Variants in AFG2A observed in about 807,000 individuals in gnomAD.
AFG2A encodes ATPase family gene 2 protein homolog A.
chr4:122,992,738 A>G, the AFG2A span, among the ~76,000 whole-genome samples: 5 of 151,922 alleles, frequency 3.3e-5, no homozygotes, highest in African/African-American at 9.6e-5. Context: ...ATACATTACT[A>G]ATTTTAGGAG....
the AFG2A span, among the ~76,000 whole-genome samples, chr4:123,060,642 G>C: frequency 6.6e-6 from 1 of 152,106 alleles, no homozygotes; most frequent in Non-Finnish European, 1.5e-5. Context: ...CCTGGACCTG[G>C]CCCAGAAAAC....
chr4:122,972,963 G>T, the AFG2A span, among the ~76,000 whole-genome samples: 2 of 151,942 alleles, frequency 1.3e-5, no homozygotes. Context: ...GTATCTTCTG[G>T]TATCTTCTAT....
the AFG2A span, among the ~76,000 whole-genome samples, chr4:123,113,961 C>T: frequency 5.9e-5 from 9 of 151,474 alleles, no homozygotes; most frequent in African/African-American, 2.2e-4. Flanking sequence ...GTTGTCCCGA[C>T]GAATGTTCAG....
the AFG2A span, among the ~76,000 whole-genome samples, chr4:122,986,403 G>A: frequency 6.6e-6 from 1 of 152,066 alleles, no homozygotes; most frequent in East Asian, 1.9e-4. Flanking sequence ...TTGTGTTGCT[G>A]TCTATCTCAT....
chr4:122,971,498 A>G, the AFG2A span, among the ~76,000 whole-genome samples: 1 of 152,238 alleles, frequency 6.6e-6, no homozygotes, highest in Non-Finnish European at 1.5e-5. Context: ...TTCTATGTAT[A>G]CATTTCAAAT....
At chr4:122,973,785 G>A in the AFG2A span, among the ~76,000 whole-genome samples, 1 of 152,094 alleles carries the variant, frequency 6.6e-6, no homozygotes, top group Non-Finnish European at 1.5e-5. Flanking sequence ...TGACTTCCTG[G>A]GCTCAAACAG....
At chr4:123,118,221 C>T in the AFG2A span, among the ~76,000 whole-genome samples, 1 of 142,564 alleles carries the variant, frequency 7.0e-6, no homozygotes, top group African/African-American at 2.5e-5. Context: ...TTTTATTAGT[C>T]TCTTGTTTCT....
chr4:123,315,138 T>C, the AFG2A span: 2 of 151,684 alleles, frequency 1.3e-5, no homozygotes, highest in Non-Finnish European at 2.9e-5. Context: ...ATACATATTT[T>C]CAGGGTACCA....
the AFG2A span, among the ~76,000 whole-genome samples, chr4:122,977,174 CTG>C: frequency 4.5e-4 from 69 of 152,202 alleles, no homozygotes; most frequent in Non-Finnish European, 5.0e-4. Context: ...CCAGAAACCT[CTG>C]TGGCCGGTGG....
the AFG2A span, chr4:122,934,552 G>C: frequency 6.2e-7 from 1 of 1,613,740 alleles, no homozygotes; most frequent in South Asian, 1.1e-5. Context: ...GTGCAATACT[G>C]ATACTTTTTA....
At chr4:122,927,392 A>G in the AFG2A span, among the ~76,000 whole-genome samples, 1 of 152,140 alleles carries the variant, frequency 6.6e-6, no homozygotes, top group African/African-American at 2.4e-5. Context: ...AAAGAAACCA[A>G]TACTCACCCC....
chr4:123,226,303 A>T, the AFG2A span, among the ~76,000 whole-genome samples: 1 of 152,146 alleles, frequency 6.6e-6, no homozygotes, highest in African/African-American at 2.4e-5. Context: ...TTTCAAAGGG[A>T]ATGCTTCCAG....
the AFG2A span, among the ~76,000 whole-genome samples, chr4:123,244,056 C>T: frequency 6.6e-6 from 1 of 151,612 alleles, no homozygotes; most frequent in African/African-American, 2.4e-5. Flanking sequence ...GTAATAGAGC[C>T]AGAATTTTGA....
At chr4:123,241,502 C>T in the AFG2A span, among the ~76,000 whole-genome samples, 1 of 152,100 alleles carries the variant, frequency 6.6e-6, no homozygotes, top group Non-Finnish European at 1.5e-5. Context: ...AAATGTAATC[C>T]ATCACATAAA....
At chr4:123,118,114 A>G in the AFG2A span, among the ~76,000 whole-genome samples, 25 of 150,618 alleles carry the variant, frequency 1.7e-4, no homozygotes, top group African/African-American at 6.1e-4. Context: ...TGAATTGGTA[A>G]CATATGTATA....
the AFG2A span, among the ~76,000 whole-genome samples, chr4:123,117,859 T>A: frequency 7.9e-5 from 11 of 139,496 alleles, no homozygotes; most frequent in East Asian, 5.9e-4. Context: ...ATTTTTTTAA[T>A]TTTTTTTTTT....
At chr4:123,082,490 TTG>T in the AFG2A span, among the ~76,000 whole-genome samples, 1 of 151,460 alleles carries the variant, frequency 6.6e-6, no homozygotes, top group African/African-American at 2.4e-5. Context: ...TTGGTACTTT[TTG>T]TGTGTGTCTC....
chr4:123,233,838 T>A, the AFG2A span, among the ~76,000 whole-genome samples: 6 of 152,000 alleles, frequency 3.9e-5, no homozygotes, highest in Admixed American at 3.9e-4. Flanking sequence ...AAGCATAGAA[T>A]CTCTTCTCAT....
the AFG2A span, among the ~76,000 whole-genome samples, chr4:123,291,796 A>T: frequency 6.6e-6 from 1 of 152,190 alleles, no homozygotes; most frequent in South Asian, 2.1e-4. Flanking sequence ...CACTACTCTT[A>T]GAATTCCTTC....
Sources: gnomAD v4.1 joint callset for allele counts (sites outside exome capture counted in the v4.1 genomes callset) on GRCh38, gnomAD v4.1.1 for gene constraint, MANE v1.5 for transcripts, NCBI Gene and HGNC (gene_info 2026-07-23, HGNC 2026-07-21) for gene names.